Variants in LRPAP1 observed in about 807,000 individuals in gnomAD.
LRPAP1 encodes the protein alpha-2-macroglobulin receptor-associated protein.
LRPAP1 carries 41 observed loss-of-function variants against 39.9 expected under a neutral mutation model. The ratio of observed to expected loss-of-function variants is 1.03; its 90% CI spans 0.80 to 1.33. The LOEUF (loss-of-function observed/expected upper bound fraction) is 1.33, where lower values mean the gene tolerates loss of function less well. LRPAP1 is among the 40% of genes most tolerant of loss of function. The probability of loss-of-function intolerance (pLI) is 0.00; values close to 1 mark genes in which losing one functional copy is unlikely to be tolerated. For synonymous variants in LRPAP1, 263 were observed against 212.7 expected, an observed-to-expected ratio of 1.24 and a Z score of -2.06; for missense variants, 565 against 482.3, an observed-to-expected ratio of 1.17 and a Z score of -1.61.
At chr4:3,522,475 G>T (rs891960157) in intron 2 of LRPAP1, among the ~76,000 whole-genome samples, 1 of 129,312 alleles carries the variant, frequency 7.7e-6, no homozygotes, top group Non-Finnish European at 1.7e-5. Flanking sequence ...AGCCCTTAGA[G>T]CTCCTGGGGA....
At chr4:3,529,346 C>A (rs1244965456) in intron 1 of LRPAP1, among the ~76,000 whole-genome samples, 7 of 151,852 alleles carry the variant, frequency 4.6e-5, no homozygotes, top group African/African-American at 1.2e-4. Context: ...AAACAAAAAA[C>A]CAAAAAAACT....
chr4:3,515,198 C>G (rs1167681804), intron 6 of LRPAP1, among the ~76,000 whole-genome samples: 1 of 152,208 alleles, frequency 6.6e-6, no homozygotes, highest in African/African-American at 2.4e-5. Flanking sequence ...GGGCCTCCAG[C>G]TCGTTCCCAG....
At chr4:3,513,066 G>A (rs769075493) in intron 7 of LRPAP1, 30 bp from the exon 8 acceptor site, 3 of 1,586,292 alleles carry the variant, frequency 1.9e-6, no homozygotes, top group Non-Finnish European at 2.6e-6. Context: ...ATCAGCTGGG[G>A]ACAGCGCGCC....
chr4:3,526,070 C>T (rs758834866), intron 1 of LRPAP1, among the ~76,000 whole-genome samples: 3 of 152,264 alleles, frequency 2.0e-5, no homozygotes, highest in Non-Finnish European at 2.9e-5. Flanking sequence ...CCAGGGTTCA[C>T]GGAGACAGGG....
chr4:3,509,047 G>A lies in LRPAP1; in HGVS notation c.*3927C>T, dbSNP rs1729436206. The A allele has an allele frequency of 6.6e-6, 1 of 152,242 alleles. No individual in the cohort carries two copies. Among genetic ancestry groups the A allele is most frequent in the Non-Finnish European group, 1.5e-5 (1 of 68,054 alleles). 9.4% of individuals were successfully genotyped at this position (152,242 alleles called of 1,614,324 possible). A position where few individuals can be genotyped will look rare whatever the true frequency, so the allele number is the denominator to read the frequency against. ...GCACAGGATTAAAGCACCACGCACA[G>A]GTGACAAATGAAATAAAAATACACA... On this transcript the variant is annotated 3_prime_UTR_variant, in exon 8 of 8. Coordinates refer to ENST00000650182, the MANE Select transcript of LRPAP1 (RefSeq NM_002337.4).
rs1415779590 is a variant in LRPAP1, at chr4:3,511,908, G to A, written c.*1066C>T. 2 of 75,684 alleles carry A rather than the reference G, an allele frequency of 2.6e-5. No homozygotes were observed. The highest frequency in any genetic ancestry group is 5.1e-5 in the Non-Finnish European group (2 of 39,006). 4.7% of individuals were successfully genotyped at this position (75,684 alleles called of 1,614,324 possible). On this transcript the variant is annotated 3_prime_UTR_variant, in exon 8 of 8. Transcript: ENST00000650182. ...GGGAACCACGCTCGGAGCCGGACCCGAGCCTCTTCCAGGCTCAGACACGGG... is the reference window on the plus strand; with the variant it reads ...GGGAACCACGCTCGGAGCCGGACCCAAGCCTCTTCCAGGCTCAGACACGGG...
chr4:3,514,876 T>A lies in LRPAP1; in HGVS notation c.887A>T (p.Lys296Met). Residue 296 changes from lysine (K) to methionine (M), a missense_variant, in exon 7 of 8, where the codon AAG (lysine) becomes ATG (methionine). Transcript: ENST00000650182. ...CTTCTCGTGCGCAATCTCCAGCTGC[T>A]TCTGGTAGTGGTTGTGCTTCTCGAT... The part of the protein sequence containing the change: ...AKIEKHNHYQ[K>M]QLEIAHEKLR... 1 of 1,613,904 alleles carries A rather than the reference T, an allele frequency of 6.2e-7. No homozygotes were observed. The highest frequency in any genetic ancestry group is 8.5e-7 in the Non-Finnish European group (1 of 1,179,916).
intron 2 of LRPAP1, among the ~76,000 whole-genome samples, chr4:3,524,105 C>T (rs1008469847): frequency 2.0e-5 from 3 of 152,320 alleles, no homozygotes; most frequent in African/African-American, 7.2e-5. Context: ...GGAGCAGCCC[C>T]AACCCCAGTC....
rs17848281 is a variant in LRPAP1, at chr4:3,512,687, A to C, written c.*287T>G. Reference sequence around the variant, plus strand: ...GCAGAGGACTATCAGACCTGACAGCAGCTGGACATCGAGGTCCTCACTGGG... The same window carrying C: ...GCAGAGGACTATCAGACCTGACAGCCGCTGGACATCGAGGTCCTCACTGGG... On this transcript the variant is annotated 3_prime_UTR_variant, in exon 8 of 8. Transcript: ENST00000650182. The C allele has an allele frequency of 2.3e-3, 1,050 of 460,920 alleles. 13 individuals carry two copies. In the East Asian group the frequency reaches 0.036, roughly 16 times the overall value. The allele number at this position is 460,920 out of a possible 1,614,324, so 28.6% of individuals were successfully genotyped here.
intron 5 of LRPAP1, chr4:3,517,726 C>G (rs114355778): frequency 9.6e-5 from 27 of 282,286 alleles, no homozygotes; most frequent in Non-Finnish European, 6.6e-6. Flanking sequence ...TCTTGGCCAA[C>G]AGCAGCACGG....
rs77148089 is a variant in LRPAP1 at position 3,524,162 on chromosome 4, G to A, written c.349+745C>T. On this transcript the variant is annotated intron_variant, in intron 2 of 7. Transcript: ENST00000650182. ...GTCCTCTGCCCGCCAGTGCCCTGCCGACGGGCCCGTGGTGAGGGAGGATGG... is the reference window on the plus strand; with the variant it reads ...GTCCTCTGCCCGCCAGTGCCCTGCCAACGGGCCCGTGGTGAGGGAGGATGG... Among the ~76,000 whole-genome samples, 78 of 152,268 alleles carry A rather than the reference G, an allele frequency of 5.1e-4. 3 individuals carry two copies. In the East Asian group the frequency reaches 0.015, roughly 29 times the overall value.
rs1250690287 is a variant in LRPAP1, at chr4:3,505,026, T to C, written c.*7948A>G. On this transcript the variant is annotated 3_prime_UTR_variant, in exon 8 of 8. Coordinates refer to ENST00000650182, the MANE Select transcript of LRPAP1 (RefSeq NM_002337.4). Reference sequence around the variant, plus strand: ...AGAGGGAAAGACAGGAACAGACCATTGGAGACTTTAGGGATGGTTAGTGAT... The same window carrying C: ...AGAGGGAAAGACAGGAACAGACCATCGGAGACTTTAGGGATGGTTAGTGAT... Among the ~76,000 whole-genome samples, 1 of 152,064 alleles carries C rather than the reference T, an allele frequency of 6.6e-6. No homozygotes were observed. The highest frequency in any genetic ancestry group is 6.5e-5 in the Admixed American group (1 of 15,270).
chr4:3,520,237 A>G lies in LRPAP1; in HGVS notation c.350-44T>C, dbSNP rs1197230983. ...TCTATTTGATATGGTTTCCTGTGAA[A>G]AACAGTCAAAAGCCAACACATCTGG... On this transcript the variant is annotated intron_variant, in intron 2 of 7. Coordinates refer to ENST00000650182, the MANE Select transcript of LRPAP1 (RefSeq NM_002337.4). 4 of 1,593,032 alleles carry G rather than the reference A, an allele frequency of 2.5e-6. No homozygotes were observed. The South Asian group carries it at 3.3e-5, about 13-fold the overall frequency.
intron 1 of LRPAP1, among the ~76,000 whole-genome samples, chr4:3,530,884 C>T (rs956253843): frequency 1.3e-5 from 2 of 152,120 alleles, no homozygotes; most frequent in African/African-American, 4.8e-5. Context: ...TTCCTCAGCG[C>T]CACCTCCAAT....
Position 3,504,968 on chromosome 4 carries a change from G to A in LRPAP1, c.*8006C>T, listed in dbSNP as rs1253469315. Among the ~76,000 whole-genome samples, 1 of 151,666 alleles carries A rather than the reference G, an allele frequency of 6.6e-6. No homozygotes were observed. Among genetic ancestry groups the A allele is most frequent in the Non-Finnish European group, 1.5e-5 (1 of 67,918 alleles). ...TCTCAAGAAAAAAATAAATAACAAA[G>A]AACAGAAGACAACATGACCCCACAA... On this transcript the variant is annotated 3_prime_UTR_variant, in exon 8 of 8. Coordinates refer to ENST00000650182, the MANE Select transcript of LRPAP1 (RefSeq NM_002337.4).
chr4:3,524,819 A>G, intron 2 of LRPAP1, 88 bp downstream of exon 2: 1 of 1,496,944 alleles, frequency 6.7e-7, no homozygotes, highest in Non-Finnish European at 9.2e-7. Context: ...CCAAATCCAA[A>G]AACAAAATCC....
intron 7 of LRPAP1, among the ~76,000 whole-genome samples, chr4:3,513,569 A>G (rs1291635329): frequency 6.6e-6 from 1 of 152,172 alleles, no homozygotes; most frequent in African/African-American, 2.4e-5. Flanking sequence ...TCAGCCTCCC[A>G]AAGTGCTGGG....
Position 3,503,921 on chromosome 4 carries a change from G to GT in LRPAP1, c.*9052dup, listed in dbSNP as rs1729275967. The GT allele has an allele frequency of 6.6e-6, 1 of 152,380 alleles. No homozygotes were observed. Among genetic ancestry groups the GT allele is most frequent in the Admixed American group, 6.5e-5 (1 of 15,294 alleles). The allele number at this position is 152,380 out of a possible 1,614,324, so 9.4% of individuals were successfully genotyped here. On this transcript the variant is annotated 3_prime_UTR_variant, in exon 8 of 8. Coordinates refer to ENST00000650182, the MANE Select transcript of LRPAP1 (RefSeq NM_002337.4). The stretch of plus-strand genomic sequence containing the variant: ...AGGGACCCAGGGGCCCAGGAAGGTC[G>GT]TGAGCGCCAAGCACCCAGTGCTGCT...
In LRPAP1 at chr4:3,505,479, G is replaced by A. The variant is rs994243005; in HGVS notation, c.*7495C>T. 2.7e-4 allele frequency among the ~76,000 whole-genome samples: 41 copies of A among 152,278 alleles called. No individual in the cohort carries two copies. The highest frequency in any genetic ancestry group is 8.2e-4 in the African/African-American group (34 of 41,564). ...CTCCGAGCGGCACTTCTTCCACACC[G>A]CGCAGCTGCCTGTGCCTGGCAGGGG... is the stretch of plus-strand genomic sequence containing the variant. On this transcript the variant is annotated 3_prime_UTR_variant, in exon 8 of 8. Coordinates refer to ENST00000650182, the MANE Select transcript of LRPAP1 (RefSeq NM_002337.4).
Sources: allele counts gnomAD v4.1 joint callset (sites outside exome capture counted in the v4.1 genomes callset), GRCh38; gene constraint gnomAD v4.1.1; transcripts MANE v1.5; gene names NCBI Gene and HGNC (gene_info 2026-07-23, HGNC 2026-07-21).